Variants in SHQ1 observed in about 807,000 individuals in gnomAD.
The protein encoded by SHQ1 is SHQ1, H/ACA ribonucleoprotein assembly factor.
A neutral mutation model predicts 53.8 loss-of-function variants in SHQ1; 49 were observed. The ratio of observed to expected loss-of-function variants is 0.91; its 90% confidence interval spans 0.72 to 1.16. The LOEUF is 1.16. SHQ1 is among the 50% of genes most tolerant of loss of function. SHQ1 has a pLI of 0.00. For missense variants in SHQ1, 738 were observed against 683.1 expected (o/e 1.08, Z -0.90); for synonymous variants, 243 against 251.0 (o/e 0.97, Z 0.30).
In SHQ1 at chr3:72,848,379, A is replaced by C. The variant is rs1187095200; in HGVS notation, c.-39T>G. On this transcript the variant is annotated 5_prime_UTR_variant, in exon 1 of 11. Transcript: ENST00000325599. ...GCAAGGGCCGGCGCCGCTCGCTCTCACTGCCGCCGCGTTCCCGCCACGCAA... is the reference window on the plus strand; with the variant it reads ...GCAAGGGCCGGCGCCGCTCGCTCTCCCTGCCGCCGCGTTCCCGCCACGCAA... 1.9e-6 allele frequency: 3 copies of C among 1,607,490 alleles called. No homozygotes were observed. Among genetic ancestry groups the C allele is most frequent in the Non-Finnish European group, 2.5e-6 (3 of 1,176,640 alleles).
intron 9 of SHQ1, among the ~76,000 whole-genome samples, chr3:72,808,518 T>C (rs1281155965): frequency 6.6e-6 from 1 of 152,114 alleles, no homozygotes; most frequent in East Asian, 1.9e-4. Context: ...CTGTCTTCTA[T>C]TTGCAAAATG....
In SHQ1 at chr3:72,848,307, G is replaced by T. The variant is rs759093041; in HGVS notation, c.34C>A (p.Pro12Thr). The change falls in exon 1 of 11, where the codon CCG (proline) becomes ACG (threonine). Residue 12 changes from proline to threonine, a missense_variant. By Grantham distance (38) the Pro-to-Thr change is conservative. Transcript: ENST00000325599. The part of the protein sequence containing the change: ...LTPAFDLSQD[P>T]DFLTIAIRVP... The stretch of plus-strand genomic sequence containing the variant: ...CGGATGGCGATAGTCAGGAAGTCCG[G>T]ATCCTGGCTGAGGTCGAACGCCGGG... The T allele has an allele frequency of 1.2e-6, 2 of 1,614,024 alleles. No homozygotes were observed. Among genetic ancestry groups the T allele is most frequent in the Non-Finnish European group, 1.7e-6 (2 of 1,180,020 alleles).
intron 7 of SHQ1, 149 bp from the exon 8 acceptor site, chr3:72,815,552 T>C: frequency 1.7e-6 from 1 of 571,836 alleles, no homozygotes; most frequent in Non-Finnish European, 3.0e-6. Flanking sequence ...AATAATTATT[T>C]TGCTGATACA....
At chr3:72,772,948 G>A (rs1427145396) in intron 10 of SHQ1, 4 of 998,638 alleles carry the variant, frequency 4.0e-6, no homozygotes, top group Non-Finnish European at 4.8e-6. Flanking sequence ...AGAATCGGAA[G>A]AAAAACAAAA....
At chr3:72,782,023 G>A (rs1263184014) in intron 10 of SHQ1, among the ~76,000 whole-genome samples, 1 of 152,052 alleles carries the variant, frequency 6.6e-6, no homozygotes, top group Admixed American at 6.6e-5. Context: ...CACAATTTCA[G>A]GATATTATAA....
downstream of SHQ1, among the ~76,000 whole-genome samples, chr3:72,745,514 T>C (rs183589722): frequency 2.0e-3 from 304 of 152,314 alleles, 2 homozygotes; most frequent in African/African-American, 6.8e-3. Flanking sequence ...CTGTGATTCA[T>C]TGGCATAATT....
At chr3:72,808,507 C>A (rs905137500) in intron 9 of SHQ1, among the ~76,000 whole-genome samples, 1 of 152,104 alleles carries the variant, frequency 6.6e-6, no homozygotes, top group Non-Finnish European at 1.5e-5. Context: ...CTTCTTTGAG[C>A]CTGTCTTCTA....
At chr3:72,788,502 G>C (rs937369364) in intron 10 of SHQ1, among the ~76,000 whole-genome samples, 26 of 150,186 alleles carry the variant, frequency 1.7e-4, no homozygotes, top group African/African-American at 4.7e-4. Flanking sequence ...GGGAGGTAGG[G>C]GGGGCGCCTC....
Position 72,812,770 on chromosome 3 carries a change from T to A in SHQ1, c.961A>T (p.Met321Leu), listed in dbSNP as rs369540325. 6.2e-7 allele frequency: 1 copy of A among 1,614,026 alleles called. No individual in the cohort carries two copies. Among genetic ancestry groups the A allele is most frequent in the East Asian group, 2.2e-5 (1 of 44,836 alleles). The change falls in exon 9 of 11, where the codon ATG becomes TTG. Residue 321 changes from methionine (M) to leucine (L), a missense_variant. Met to Leu is a conservative substitution (Grantham distance 15). Transcript: ENST00000325599. Reference sequence around the variant, plus strand: ...AACACCCTTCTTCCAAAAGACACCATGATATCATGAACGTTAGTCCAAGTC... The same window carrying A: ...AACACCCTTCTTCCAAAAGACACCAAGATATCATGAACGTTAGTCCAAGTC... ...FETWTNVHDIMVSFGRRVLCY... is the reference protein window; with the variant it reads ...FETWTNVHDILVSFGRRVLCY...
chr3:72,837,207 G>GA lies in SHQ1; in HGVS notation c.486+3837dup, dbSNP rs539214917. Among the ~76,000 whole-genome samples, 7 of 152,208 alleles carry GA rather than the reference G, an allele frequency of 4.6e-5. No individual in the cohort carries two copies. The South Asian group carries it at 1.5e-3, about 32-fold the overall frequency. On this transcript the variant is annotated intron_variant, in intron 4 of 10. Transcript: ENST00000325599. Reference sequence around the variant, plus strand: ...GGTGGCTGGCAGCAATTTCAGAAAGGAAAAAAAGACTGGGGATAGGAAGAA... The same window carrying GA: ...GGTGGCTGGCAGCAATTTCAGAAAGGAAAAAAAAGACTGGGGATAGGAAGAA...
rs536827964 is a variant in SHQ1 at position 72,835,817 on chromosome 3, A to G, written c.487-3336T>C. Among the ~76,000 whole-genome samples the G allele has an allele frequency of 3.3e-5, 5 of 152,320 alleles. No individual in the cohort carries two copies. The South Asian group carries it at 1.0e-3, about 32-fold the overall frequency. ...CTTCTCATCATTGAGAACTCAGTGC[A>G]AATGTCACTTTCTCAAAGGAGTCTT... On this transcript the variant is annotated intron_variant, in intron 4 of 10. Transcript: ENST00000325599.
At chr3:72,766,867 T>C (rs1394553882) in intron 10 of SHQ1, among the ~76,000 whole-genome samples, 2 of 152,168 alleles carry the variant, frequency 1.3e-5, no homozygotes, top group Non-Finnish European at 2.9e-5. Flanking sequence ...CACATAATGA[T>C]GGAAACGTGC....
intron 6 of SHQ1, among the ~76,000 whole-genome samples, chr3:72,823,608 T>C (rs1169259944): frequency 6.6e-6 from 1 of 152,190 alleles, no homozygotes; most frequent in Non-Finnish European, 1.5e-5. Flanking sequence ...GATCTCTACA[T>C]ACTAATATGG....
At chr3:72,836,421 G>A (rs756696805) in intron 4 of SHQ1, among the ~76,000 whole-genome samples, 1 of 152,048 alleles carries the variant, frequency 6.6e-6, no homozygotes, top group Non-Finnish European at 1.5e-5. Context: ...CCCGGGAGGC[G>A]GAGCTTGCAG....
intron 10 of SHQ1, among the ~76,000 whole-genome samples, chr3:72,780,657 T>A (rs148926725): frequency 6.6e-6 from 1 of 152,296 alleles, no homozygotes; most frequent in East Asian, 1.9e-4. Flanking sequence ...GTAAATGCTC[T>A]GGGTTTATAG....
At position 72,846,174 on chromosome 3, in the gene SHQ1, A is replaced by G. The variant is rs773368947; in HGVS notation, c.144-1751T>C. ...CCCTTCCCCTAAACTCTATAAGCCT[A>G]GAGTTAAATTCTTACTGCAGAGAAA... is the stretch of plus-strand genomic sequence containing the variant. On this transcript the variant is annotated intron_variant, in intron 1 of 10. Transcript: ENST00000325599. 7.9e-6 allele frequency: 12 copies of G among 1,521,586 alleles called. No homozygotes were observed. In the East Asian group the frequency reaches 2.0e-4, roughly 25 times the overall value. The allele number at this position is 1,521,586 out of a possible 1,614,324, so 94.3% of individuals were successfully genotyped here.
Position 72,842,278 on chromosome 3 carries a change from A to C in SHQ1, c.331+2T>G, listed in dbSNP as rs184269283. The C allele has an allele frequency of 8.7e-6, 14 of 1,612,988 alleles. No individual in the cohort carries two copies. The Admixed American group carries it at 1.7e-4, about 19-fold the overall frequency. ...ATTTCCTCCCAACTGTAATAAACATACCTATTTCTTCCACAAGTGGTTTTG... is the reference window on the plus strand; with the variant it reads ...ATTTCCTCCCAACTGTAATAAACATCCCTATTTCTTCCACAAGTGGTTTTG... On this transcript the variant is annotated splice_donor_variant, in intron 3 of 10. Coordinates refer to ENST00000325599, the MANE Select transcript of SHQ1 (RefSeq NM_018130.3). LOFTEE classifies it high-confidence loss of function.
chr3:72,738,207 C>T, the SHQ1 span, among the ~76,000 whole-genome samples: 7 of 152,214 alleles, frequency 4.6e-5, no homozygotes, highest in Admixed American at 6.5e-5. Context: ...CCACTGCACC[C>T]TGTGCCCAAC....
intron 10 of SHQ1, among the ~76,000 whole-genome samples, chr3:72,751,795 C>G (rs532381407): frequency 6.6e-6 from 1 of 151,972 alleles, no homozygotes; most frequent in Non-Finnish European, 1.5e-5. Flanking sequence ...AGAAAAGGCA[C>G]TTTCATATAC....
Sources: gnomAD v4.1 joint callset for allele counts (sites outside exome capture counted in the v4.1 genomes callset) on GRCh38, gnomAD v4.1.1 for gene constraint, MANE v1.5 for transcripts, NCBI Gene and HGNC (gene_info 2026-07-23, HGNC 2026-07-21) for gene names.